A1CF: variants seen among roughly 807,000 people sequenced by gnomAD.
A1CF encodes the protein APOBEC1 complementation factor.
Under a neutral mutation model 68.9 loss-of-function variants are expected in A1CF, and 48 were observed. That is an observed-to-expected ratio of 0.70 (90% confidence interval 0.55 to 0.89). The LOEUF is 0.89. Among genes scored for constraint, A1CF ranks in the 40% least tolerant of loss-of-function variants. The pLI is 0.00. For missense variants in A1CF, 653 were observed against 718.9 expected, an observed-to-expected ratio of 0.91 and a Z score of 1.05; for synonymous variants, 272 against 260.4, an observed-to-expected ratio of 1.04 and a Z score of -0.43.
intron 2 of A1CF, 92 bp from the exon 3 acceptor site, chr10:50,860,077 T>C (rs968959365): frequency 9.2e-6 from 6 of 655,488 alleles, no homozygotes; most frequent in South Asian, 7.5e-5. Flanking sequence ...AAATATTCTC[T>C]GTAAATGCGT....
At chr10:50,807,228 C>CT (rs2132301179) in intron 12 of A1CF, among the ~76,000 whole-genome samples, 1 of 152,112 alleles carries the variant, frequency 6.6e-6, no homozygotes, top group South Asian at 2.1e-4. Context: ...TTGAGGGTCT[C>CT]CAAATTTATA....
At chr10:50,861,821 CTA>C (rs1325611838) in intron 2 of A1CF, among the ~76,000 whole-genome samples, 1 of 147,336 alleles carries the variant, frequency 6.8e-6, no homozygotes, top group Non-Finnish European at 1.5e-5. Flanking sequence ...TATAATAATA[CTA>C]TGATAGTAGC....
chr10:50,821,910 T>A (rs1435327047), intron 7 of A1CF, among the ~76,000 whole-genome samples: 1 of 152,054 alleles, frequency 6.6e-6, no homozygotes, highest in African/African-American at 2.4e-5. Flanking sequence ...TTTTTAATAA[T>A]CCAAAACCAT....
rs1002130422 is a variant in A1CF, at chr10:50,804,429, C to T, written c.*2300G>A. 10 of 152,122 alleles carry T rather than the reference C, an allele frequency of 6.6e-5. No individual in the cohort carries two copies. Among genetic ancestry groups the T allele is most frequent in the Admixed American group, 2.6e-4 (4 of 15,276 alleles). The allele number at this position is 152,122 out of a possible 1,614,324, so 9.4% of individuals were successfully genotyped here. A position where few individuals can be genotyped will look rare whatever the true frequency, so the allele number is the denominator to read the frequency against. On this transcript the variant is annotated 3_prime_UTR_variant, in exon 13 of 13. Transcript: ENST00000373997. ...GACAAGACATCCAGAATACCCTTTG[C>T]TGTTTATTTGCAAAGATTTTAAGGA...
In A1CF at chr10:50,877,875, C is replaced by T. The variant is rs186443429; in HGVS notation, c.-94+7706G>A. 2.0e-5 allele frequency among the ~76,000 whole-genome samples: 3 copies of T among 152,336 alleles called. No homozygotes were observed. The East Asian group carries it at 5.8e-4, about 29-fold the overall frequency. ...CCGTGGCTCACGCCTGTAATCCCCCCACTTTGGGAGGCTGAGGCAGGAGGA... is the reference window on the plus strand; with the variant it reads ...CCGTGGCTCACGCCTGTAATCCCCCTACTTTGGGAGGCTGAGGCAGGAGGA... On this transcript the variant is annotated intron_variant, in intron 1 of 12. Coordinates refer to ENST00000373997, the MANE Select transcript of A1CF (RefSeq NM_014576.4).
At chr10:50,850,584 A>C in intron 3 of A1CF, 1 of 1,543,912 alleles carries the variant, frequency 6.5e-7, no homozygotes, top group East Asian at 2.2e-5. Flanking sequence ...TTAGAAAACA[A>C]AAAGCATTTG....
intron 1 of A1CF, among the ~76,000 whole-genome samples, chr10:50,869,118 T>G (rs1841133742): frequency 6.6e-6 from 1 of 152,048 alleles, no homozygotes; most frequent in African/African-American, 2.4e-5. Context: ...AAATCTGCAC[T>G]TGTATCCCTG....
At chr10:50,810,664 A>G (rs951148014) in intron 11 of A1CF, among the ~76,000 whole-genome samples, 7 of 152,278 alleles carry the variant, frequency 4.6e-5, no homozygotes, top group Middle Eastern at 3.4e-3. Flanking sequence ...TGTACCGGCT[A>G]CTACATCCGG....
At position 50,800,718 on chromosome 10, in the gene A1CF, A is replaced by G. The variant is rs1387148071; in HGVS notation, c.*6011T>C. 2.6e-5 allele frequency: 4 copies of G among 152,306 alleles called. No homozygotes were observed. Among genetic ancestry groups the G allele is most frequent in the East Asian group, 1.9e-4 (1 of 5,184 alleles). The allele number at this position is 152,306 out of a possible 1,614,324, so 9.4% of individuals were successfully genotyped here. A position where few individuals can be genotyped will look rare whatever the true frequency, so the allele number is the denominator to read the frequency against. ...GTTAGTGAAGAGAATAGAGGGAGGG[A>G]AAAAGGGAAATTTTATGAAAAAGGA... On this transcript the variant is annotated 3_prime_UTR_variant, in exon 13 of 13. Transcript: ENST00000373997.
At position 50,805,460 on chromosome 10, in the gene A1CF, A is replaced by G. The variant is rs1234538932; in HGVS notation, c.*1269T>C. On this transcript the variant is annotated 3_prime_UTR_variant, in exon 13 of 13. Coordinates refer to ENST00000373997, the MANE Select transcript of A1CF (RefSeq NM_014576.4). ...ACCGTTGCCCTCCCCTCACTTCATC[A>G]TCAGATATTTCTGGAGAAGAGGCCT... is the stretch of plus-strand genomic sequence containing the variant. The G allele has an allele frequency of 6.6e-6, 1 of 152,114 alleles. No individual in the cohort carries two copies. Among genetic ancestry groups the G allele is most frequent in the Non-Finnish European group, 1.5e-5 (1 of 68,024 alleles). The allele number at this position is 152,114 out of a possible 1,614,324, so 9.4% of individuals were successfully genotyped here.
chr10:50,815,703 T>C (rs1838332601), intron 9 of A1CF, among the ~76,000 whole-genome samples: 1 of 152,186 alleles, frequency 6.6e-6, no homozygotes, highest in Non-Finnish European at 1.5e-5. Context: ...ACAAGTGATA[T>C]AGAAGAAGCT....
rs545681894 is a variant in A1CF at position 50,880,819 on chromosome 10, G to A, written c.-94+4762C>T. On this transcript the variant is annotated intron_variant, in intron 1 of 12. Transcript: ENST00000373997. ...CCAGTCCCCTGCCAGGCAGGTAGGA[G>A]ATTTTATAAACCTCTGTTCCTTTAT... Among the ~76,000 whole-genome samples, 11 of 152,296 alleles carry A rather than the reference G, an allele frequency of 7.2e-5. No homozygotes were observed. The South Asian group carries it at 2.1e-3, about 29-fold the overall frequency.
At chr10:50,852,575 C>A (rs1402734624) in intron 3 of A1CF, among the ~76,000 whole-genome samples, 2 of 152,140 alleles carry the variant, frequency 1.3e-5, no homozygotes, top group South Asian at 2.1e-4. Context: ...GAATTGGTAT[C>A]CGTGCACTTG....
In A1CF at chr10:50,844,032, G is replaced by C. The variant is rs1839891566; in HGVS notation, c.190C>G (p.Pro64Ala). The change falls in exon 4 of 13, where the codon CCC becomes GCC. Residue 64 changes from proline (P) to alanine (A), a missense_variant. Pro to Ala is a conservative substitution (Grantham distance 27, BLOSUM62 -1). Transcript: ENST00000373997. The stretch of plus-strand genomic sequence containing the variant: ...AGCTCATCCTCAAAAAGGTCTCGGG[G>C]AAGTTTTCCAATAAAAATTTCACAG... ...RGCEIFIGKL[P>A]RDLFEDELIP... The C allele has an allele frequency of 6.2e-7, 1 of 1,613,896 alleles. No individual in the cohort carries two copies. The highest frequency in any genetic ancestry group is 8.5e-7 in the Non-Finnish European group (1 of 1,179,874).
At chr10:50,879,623 A>G (rs1949936229) in intron 1 of A1CF, among the ~76,000 whole-genome samples, 1 of 152,140 alleles carries the variant, frequency 6.6e-6, no homozygotes, top group South Asian at 2.1e-4. Flanking sequence ...GTGTGTACAG[A>G]AGGAAAAGTC....
intron 8 of A1CF, among the ~76,000 whole-genome samples, chr10:50,819,769 T>C (rs1838556880): frequency 6.6e-6 from 1 of 152,218 alleles, no homozygotes; most frequent in Non-Finnish European, 1.5e-5. Context: ...TTTGAAATTA[T>C]ACCCAATTTT....
chr10:50,883,737 G>T (rs1841882239), intron 1 of A1CF, among the ~76,000 whole-genome samples: 4 of 152,162 alleles, frequency 2.6e-5, no homozygotes, highest in Admixed American at 2.6e-4. Context: ...TTAGATAGTT[G>T]TGATAAATGA....
chr10:50,865,787 G>C (rs1840963279), intron 1 of A1CF, among the ~76,000 whole-genome samples: 1 of 152,110 alleles, frequency 6.6e-6, no homozygotes, highest in Non-Finnish European at 1.5e-5. Context: ...GACAACCTCT[G>C]TAGGTAACCT....
chr10:50,825,157 C>T (rs989519254), intron 7 of A1CF, among the ~76,000 whole-genome samples: 1 of 152,108 alleles, frequency 6.6e-6, no homozygotes, highest in Non-Finnish European at 1.5e-5. Context: ...AAGTAGCACC[C>T]AGAGTTGGAA....
Sources: gnomAD v4.1 joint callset for allele counts (sites outside exome capture counted in the v4.1 genomes callset) on GRCh38, gnomAD v4.1.1 for gene constraint, MANE v1.5 for transcripts, NCBI Gene and HGNC (gene_info 2026-07-23, HGNC 2026-07-21) for gene names.